The following KCNC4 variants were observed in gnomAD, a reference collection of about 807,000 sequenced individuals.
KCNC4 encodes the protein voltage-gated potassium channel KCNC4.
Under a neutral mutation model 42.8 loss-of-function variants are expected in KCNC4, and 23 were observed. The observed-to-expected ratio is 0.54, with a 90% CI of 0.39 to 0.76. The LOEUF is 0.76. KCNC4 is among the 30% of genes least tolerant of loss of function. The pLI is 0.00. For missense variants in KCNC4, 751 were observed against 898.2 expected (o/e 0.84, Z 2.10); for synonymous variants, 422 against 393.5 (o/e 1.07, Z -0.86).
At chr1:110,226,205 G>A in intron 3 of KCNC4, 27 bp downstream of exon 3, 1 of 1,609,086 alleles carries the variant, frequency 6.2e-7, no homozygotes, top group Non-Finnish European at 8.5e-7. Context: ...TGGACAGGTG[G>A]GGAGCCCCCA....
downstream of KCNC4, chr1:110,238,335 GA>G (rs1658953714): frequency 6.6e-6 from 1 of 152,208 alleles, no homozygotes; most frequent in East Asian, 1.9e-4. Context: ...CTCTGCTTCT[GA>G]AATGAGCAAC....
chr1:110,226,339 G>C (rs1020235763), intron 3 of KCNC4, 161 bp downstream of exon 3: 15 of 661,068 alleles, frequency 2.3e-5, no homozygotes, highest in Non-Finnish European at 5.5e-6. Context: ...TGATCTCCCA[G>C]TCCCTGGATT....
intron 1 of KCNC4, among the ~76,000 whole-genome samples, chr1:110,212,417 A>G (rs1657531534): frequency 6.6e-6 from 1 of 152,140 alleles, no homozygotes; most frequent in African/African-American, 2.4e-5. Flanking sequence ...ACCCAGTCCC[A>G]GCTGCCTGCT....
chr1:110,232,691 T>C, intron 3 of KCNC4: 1 of 1,485,880 alleles, frequency 6.7e-7, no homozygotes. Flanking sequence ...ATCCATGCTC[T>C]TCCTGGCCTT....
downstream of KCNC4, among the ~76,000 whole-genome samples, chr1:110,283,736 G>A (rs1659867525): frequency 1.3e-5 from 2 of 152,320 alleles, no homozygotes; most frequent in Middle Eastern, 3.4e-3. Flanking sequence ...ATCATTTAGA[G>A]TGGGTCTTTT....
intron 1 of KCNC4, among the ~76,000 whole-genome samples, chr1:110,260,853 CG>C (rs1375755861): frequency 2.0e-5 from 3 of 152,174 alleles, no homozygotes; most frequent in Non-Finnish European, 2.9e-5. Context: ...TGGTGTGAAC[CG>C]GGGAGGCGGA....
At chr1:110,213,170 TAAAAAA>T (rs760587471) in intron 1 of KCNC4, among the ~76,000 whole-genome samples, 3 of 50,848 alleles carry the variant, frequency 5.9e-5, no homozygotes, top group Admixed American at 2.6e-4. Flanking sequence ...CTTCGACAGC[TAAAAAA>T]AAAAAAAAAA....
In KCNC4 at chr1:110,233,171, G is replaced by C. The variant is rs1658788659; in HGVS notation, c.*199G>C. 1.6e-6 allele frequency: 1 copy of C among 625,352 alleles called. No homozygotes were observed. The highest frequency in any genetic ancestry group is 2.7e-5 in the East Asian group (1 of 36,678). 38.7% of individuals were successfully genotyped at this position (625,352 alleles called of 1,614,324 possible). The stretch of plus-strand genomic sequence containing the variant: ...ATGTTCTGTTCCATTGTACATCGAA[G>C]AGATATATATGCACATATAGTATCT... On this transcript the variant is annotated 3_prime_UTR_variant, in exon 4 of 4. Transcript: ENST00000438661.
exon 4 of KCNC4, chr1:110,242,366 G>A (rs969786825): frequency 1.1e-4 from 17 of 152,336 alleles, no homozygotes; most frequent in African/African-American, 3.4e-4. Context: ...TGCTAGTTAG[G>A]TGCTCAGGTT....
chr1:110,233,141 G>A lies in KCNC4; in HGVS notation c.*169G>A. ...ACCCTCGGGGCCCAGAGCCATCTGG[G>A]TCTGATGTTCTGTTCCATTGTACAT... On this transcript the variant is annotated 3_prime_UTR_variant, in exon 4 of 4. Transcript: ENST00000438661. The A allele has an allele frequency of 1.4e-6, 1 of 725,630 alleles. No homozygotes were observed. The allele number at this position is 725,630 out of a possible 1,614,324, so 44.9% of individuals were successfully genotyped here. A position where few individuals can be genotyped will look rare whatever the true frequency, so the allele number is the denominator to read the frequency against.
At chr1:110,253,448 C>G (rs1659277225), downstream of KCNC4, among the ~76,000 whole-genome samples, 1 of 152,220 alleles carries the variant, frequency 6.6e-6, no homozygotes, top group African/African-American at 2.4e-5. Context: ...ATAGTGTCAA[C>G]CACAAACAGA....
exon 2 of KCNC4, chr1:110,282,595 C>T (rs540023903): frequency 6.6e-6 from 1 of 152,434 alleles, no homozygotes; most frequent in South Asian, 2.1e-4. Flanking sequence ...CACCACTCTG[C>T]TCTGCAGGCA....
At chr1:110,258,148 C>A (rs1352462272) in intron 1 of KCNC4, among the ~76,000 whole-genome samples, 1 of 152,202 alleles carries the variant, frequency 6.6e-6, no homozygotes, top group Admixed American at 6.5e-5. Context: ...GCCATAGACA[C>A]TTTCCTAGGC....
rs375604104 is a variant in KCNC4, at chr1:110,229,546, C to T, written c.1820-3365C>T. ...CTTCCCTCTCCCTCTCCCTCAAACT[C>T]CCAGCCCTGCCTCTGAGTCACCTGC... is the stretch of plus-strand genomic sequence containing the variant. On this transcript the variant is annotated intron_variant, in intron 3 of 3. Coordinates refer to ENST00000438661, the MANE Select transcript of KCNC4 (RefSeq NM_001039574.3). Among the ~76,000 whole-genome samples, 4 of 152,224 alleles carry T rather than the reference C, an allele frequency of 2.6e-5. No homozygotes were observed. The South Asian group carries it at 8.3e-4, about 31-fold the overall frequency.
chr1:110,267,054 C>T (rs2101081549), intron 1 of KCNC4, among the ~76,000 whole-genome samples: 1 of 152,368 alleles, frequency 6.6e-6, no homozygotes, highest in South Asian at 2.1e-4. Context: ...GCCCGCACGC[C>T]TCTGTGGGCA....
At position 110,226,192 on chromosome 1, in the gene KCNC4, A is replaced by G. The variant is rs1317680536; in HGVS notation, c.1819+14A>G. On this transcript the variant is annotated intron_variant, in intron 3 of 3. Transcript: ENST00000438661. ...GTGTCCGGAAAGGTATGGCTTCCCAAGCTGGACAGGTGGGGAGCCCCCACA... is the reference window on the plus strand; with the variant it reads ...GTGTCCGGAAAGGTATGGCTTCCCAGGCTGGACAGGTGGGGAGCCCCCACA... 1 of 1,612,620 alleles carries G rather than the reference A, an allele frequency of 6.2e-7. No individual in the cohort carries two copies. The highest frequency in any genetic ancestry group is 8.5e-7 in the Non-Finnish European group (1 of 1,178,708).
At chr1:110,245,395 G>A (rs1433193854) in exon 4 of KCNC4, 1 of 152,184 alleles carries the variant, frequency 6.6e-6, no homozygotes, top group Non-Finnish European at 1.5e-5. Context: ...CTGCTGCTCT[G>A]GGCTTCAGTA....
At chr1:110,250,962 T>C (rs1476131560), downstream of KCNC4, among the ~76,000 whole-genome samples, 1 of 152,108 alleles carries the variant, frequency 6.6e-6, no homozygotes, top group African/African-American at 2.4e-5. Flanking sequence ...GCTTTTGAGG[T>C]CAGTTCTGGG....
chr1:110,279,992 T>G (rs1659793453), intron 1 of KCNC4, among the ~76,000 whole-genome samples: 1 of 152,054 alleles, frequency 6.6e-6, no homozygotes, highest in Non-Finnish European at 1.5e-5. Flanking sequence ...TTTCATCATG[T>G]TGGCCAGGCT....
Sources: gnomAD v4.1 joint callset for allele counts (sites outside exome capture counted in the v4.1 genomes callset) on GRCh38, gnomAD v4.1.1 for gene constraint, MANE v1.5 for transcripts, NCBI Gene and HGNC (gene_info 2026-07-23, HGNC 2026-07-21) for gene names.